The following SDK1 variants were observed in gnomAD, a reference collection of about 807,000 sequenced individuals.
The protein encoded by SDK1 is protein sidekick-1.
A neutral mutation model predicts 245.5 loss-of-function variants in SDK1; 157 were observed. That is an observed-to-expected ratio of 0.64 (90% CI 0.56 to 0.73). The LOEUF (loss-of-function observed/expected upper bound fraction) is 0.73, where lower values mean the gene tolerates loss of function less well. SDK1 is among the 30% of genes least tolerant of loss of function. The pLI, the probability that SDK1 is intolerant of heterozygous loss-of-function variation, is 0.00. For synonymous variants in SDK1, 1,647 were observed against 1,278.5 expected (o/e 1.29, Z -6.15); for missense variants, 3,583 against 3,002.3 (o/e 1.19, Z -4.52).
At chr7:3,378,424 A>C (rs1447855257) in intron 1 of SDK1, among the ~76,000 whole-genome samples, 1 of 152,152 alleles carries the variant, frequency 6.6e-6, no homozygotes, top group African/African-American at 2.4e-5. Flanking sequence ...TGTGGGTGTT[A>C]TCACTTGCGT....
intron 9 of SDK1, among the ~76,000 whole-genome samples, 157 bp downstream of exon 9, chr7:3,963,008 G>A (rs936526700): frequency 2.3e-5 from 3 of 128,584 alleles, no homozygotes; most frequent in African/African-American, 1.0e-4. Flanking sequence ...TGGCTACCTG[G>A]ATGTAACCAC....
intron 4 of SDK1, among the ~76,000 whole-genome samples, chr7:3,669,332 A>G (rs1783626391): frequency 6.6e-6 from 1 of 152,108 alleles, no homozygotes; most frequent in African/African-American, 2.4e-5. Flanking sequence ...CTTGTTGCAG[A>G]ATTTTTATAT....
chr7:4,029,891 T>C (rs1415387150), intron 17 of SDK1, among the ~76,000 whole-genome samples: 1 of 152,096 alleles, frequency 6.6e-6, no homozygotes, highest in Admixed American at 6.6e-5. Flanking sequence ...CACACTGAAA[T>C]GTAGAAAGGA....
chr7:3,893,359 C>T (rs1040696810), intron 5 of SDK1, among the ~76,000 whole-genome samples: 1 of 152,088 alleles, frequency 6.6e-6, no homozygotes, highest in African/African-American at 2.4e-5. Flanking sequence ...CTTAATGCCC[C>T]CGCGGTTGGC....
intron 42 of SDK1, among the ~76,000 whole-genome samples, chr7:4,240,963 G>A (rs1220040717): frequency 6.6e-6 from 1 of 152,188 alleles, no homozygotes; most frequent in African/African-American, 2.4e-5. Context: ...GCCAAGCTTG[G>A]GGGCAGTTTG....
At chr7:3,865,364 G>C (rs1780795568) in intron 5 of SDK1, among the ~76,000 whole-genome samples, 1 of 152,236 alleles carries the variant, frequency 6.6e-6, no homozygotes, top group Non-Finnish European at 1.5e-5. Context: ...AGGGATGTGG[G>C]AATGTGGAGA....
intron 2 of SDK1, among the ~76,000 whole-genome samples, chr7:3,626,763 G>C (rs1211913674): frequency 6.6e-6 from 1 of 152,120 alleles, no homozygotes; most frequent in African/African-American, 2.4e-5. Flanking sequence ...TTCACAAAGT[G>C]AGTAGGATGA....
intron 9 of SDK1, among the ~76,000 whole-genome samples, chr7:3,963,775 C>A (rs113893709): frequency 2.6e-5 from 4 of 151,976 alleles, no homozygotes; most frequent in Non-Finnish European, 5.9e-5. Context: ...GTGGGTACAC[C>A]CAGGCTCACA....
chr7:3,479,196 C>T (rs895379245), intron 1 of SDK1, among the ~76,000 whole-genome samples: 1 of 151,752 alleles, frequency 6.6e-6, no homozygotes, highest in Non-Finnish European at 1.5e-5. Context: ...CTGAGGAGGG[C>T]GGATCACTTG....
At chr7:3,799,247 A>T (rs1454678951) in intron 4 of SDK1, among the ~76,000 whole-genome samples, 1 of 152,126 alleles carries the variant, frequency 6.6e-6, no homozygotes, top group East Asian at 1.9e-4. Context: ...AATTGTGTTA[A>T]ATCTTCCAAC....
intron 28 of SDK1, among the ~76,000 whole-genome samples, chr7:4,143,211 C>T (rs966471491): frequency 6.6e-6 from 1 of 152,122 alleles, no homozygotes; most frequent in Non-Finnish European, 1.5e-5. Context: ...CCTAAGGCAC[C>T]ACGCCCATAT....
In SDK1 at chr7:3,783,565, A is replaced by G. The variant is rs943457252; in HGVS notation, c.714-37885A>G. Among the ~76,000 whole-genome samples, 9 of 152,324 alleles carry G rather than the reference A, an allele frequency of 5.9e-5. No homozygotes were observed. The East Asian group carries it at 1.5e-3, about 26-fold the overall frequency. On this transcript the variant is annotated intron_variant, in intron 4 of 44. Coordinates refer to ENST00000404826, the MANE Select transcript of SDK1 (RefSeq NM_152744.4). ...ACACAAAAATCAGTGGCATTTCTATATGCAAACAATGAACTATCTAAAAGG... is the reference window on the plus strand; with the variant it reads ...ACACAAAAATCAGTGGCATTTCTATGTGCAAACAATGAACTATCTAAAAGG...
chr7:3,849,700 A>T (rs985419508), intron 5 of SDK1, among the ~76,000 whole-genome samples: 3 of 152,232 alleles, frequency 2.0e-5, no homozygotes, highest in Non-Finnish European at 4.4e-5. Flanking sequence ...TTTTGATAAT[A>T]GATTGGAATG....
At chr7:3,518,838 C>A (rs1782835422) in intron 1 of SDK1, among the ~76,000 whole-genome samples, 1 of 152,044 alleles carries the variant, frequency 6.6e-6, no homozygotes, top group Non-Finnish European at 1.5e-5. Flanking sequence ...AAAGAGATAC[C>A]TGCACTTCTG....
chr7:4,117,327 G>A (rs1424013311), intron 25 of SDK1, among the ~76,000 whole-genome samples: 1 of 152,134 alleles, frequency 6.6e-6, no homozygotes, highest in African/African-American at 2.4e-5. Flanking sequence ...AATTAGCCAG[G>A]TGTGGTGGCA....
intron 4 of SDK1, among the ~76,000 whole-genome samples, chr7:3,741,578 A>C (rs530629116): frequency 6.6e-6 from 1 of 152,350 alleles, no homozygotes; most frequent in African/African-American, 2.4e-5. Context: ...TAACTTTAAT[A>C]CTACAGATTT....
chr7:4,122,498 C>G (rs1179605466), intron 25 of SDK1, among the ~76,000 whole-genome samples: 1 of 152,152 alleles, frequency 6.6e-6, no homozygotes, highest in Non-Finnish European at 1.5e-5. Context: ...TGCAGGAGTG[C>G]TGAAAACACG....
chr7:4,209,457 C>T lies in SDK1; in HGVS notation c.5402-568C>T, dbSNP rs567838972. Among the ~76,000 whole-genome samples the T allele has an allele frequency of 2.0e-5, 3 of 152,354 alleles. No homozygotes were observed. The South Asian group carries it at 6.2e-4, about 32-fold the overall frequency. ...GCCAGCAGGCTCCACATCACCCCGG[C>T]CACACACCTGACCTTCAGTAGCTCT... On this transcript the variant is annotated intron_variant, in intron 37 of 44. Transcript: ENST00000404826.
intron 4 of SDK1, among the ~76,000 whole-genome samples, chr7:3,714,918 G>A (rs191075171): frequency 1.5e-4 from 23 of 152,294 alleles, no homozygotes; most frequent in Middle Eastern, 3.4e-3. Context: ...TGCTTTGAGA[G>A]AATGCAATGT....
Sources: allele counts gnomAD v4.1 joint callset (sites outside exome capture counted in the v4.1 genomes callset), GRCh38; gene constraint gnomAD v4.1.1; transcripts MANE v1.5; gene names NCBI Gene and HGNC (gene_info 2026-07-23, HGNC 2026-07-21).